Variants in NR3C2 observed in about 807,000 individuals in gnomAD.
The protein encoded by NR3C2 is mineralocorticoid receptor.
NR3C2 carries 15 observed loss-of-function variants against 86.4 expected under a neutral mutation model. The observed-to-expected ratio is 0.17, with a 90% CI of 0.12 to 0.27. The LOEUF (loss-of-function observed/expected upper bound fraction) is 0.27. NR3C2 is among the 10% of genes least tolerant of loss of function. The pLI is 1.00. For synonymous variants in NR3C2, 458 were observed against 450.5 expected, an observed-to-expected ratio of 1.02 and a Z score of -0.21; for missense variants, 960 against 1,195.6, an observed-to-expected ratio of 0.80 and a Z score of 2.91.
rs766022302 is a variant in NR3C2 at position 148,435,926 on chromosome 4, C to A, written c.935G>T (p.Ser312Ile). 6.2e-7 allele frequency: 1 copy of A among 1,614,154 alleles called. No homozygotes were observed. The highest frequency in any genetic ancestry group is 8.5e-7 in the Non-Finnish European group (1 of 1,180,018). ...GGATCTGTTATTAGTGTTCGAAGGG[C>A]TGGAAACAGAGCACCTTGAGTTGTT... ...NINNSRCSVS[S>I]PSNTNNRSTL... The change falls in exon 2 of 9, where the codon AGC (serine) becomes ATC (isoleucine). Residue 312 changes from serine to isoleucine, a missense_variant. Transcript: ENST00000358102.
At chr4:148,273,988 C>A (rs1266671293) in intron 2 of NR3C2, among the ~76,000 whole-genome samples, 1 of 151,704 alleles carries the variant, frequency 6.6e-6, no homozygotes, top group Admixed American at 6.6e-5. Flanking sequence ...TCTGTAGAAG[C>A]CAGCTTCACA....
chr4:148,337,168 CATT>C (rs201185090), intron 2 of NR3C2, among the ~76,000 whole-genome samples: 29 of 152,294 alleles, frequency 1.9e-4, no homozygotes, highest in Middle Eastern at 3.4e-3. Flanking sequence ...TGATAACACA[CATT>C]GTTGTTGTTT....
chr4:148,318,993 G>A (rs1743393437), intron 2 of NR3C2, among the ~76,000 whole-genome samples: 1 of 151,344 alleles, frequency 6.6e-6, no homozygotes, highest in South Asian at 2.1e-4. Flanking sequence ...TTTCTTCTAG[G>A]GTTTTTATGG....
intron 2 of NR3C2, among the ~76,000 whole-genome samples, chr4:148,361,287 A>G (rs1005525532): frequency 6.6e-6 from 1 of 152,250 alleles, no homozygotes; most frequent in African/African-American, 2.4e-5. Flanking sequence ...CCTCAACATC[A>G]GAATTAAAAT....
intron 3 of NR3C2, among the ~76,000 whole-genome samples, chr4:148,225,766 AAATGAAATCAAGGC>A (rs1227045615): frequency 6.6e-6 from 1 of 152,178 alleles, no homozygotes; most frequent in African/African-American, 2.4e-5. Context: ...ATTCCTAAGG[AAATGAAATCAAGGC>A]AAGGTACTTA....
intron 8 of NR3C2, among the ~76,000 whole-genome samples, chr4:148,091,034 T>G (rs531503212): frequency 6.6e-6 from 1 of 152,336 alleles, no homozygotes; most frequent in East Asian, 1.9e-4. Context: ...GCTCAGCCTG[T>G]GTTGTTGGGG....
intron 2 of NR3C2, among the ~76,000 whole-genome samples, chr4:148,297,854 A>C (rs1056758400): frequency 6.6e-6 from 1 of 150,686 alleles, no homozygotes; most frequent in South Asian, 2.1e-4. Context: ...GCGCCATTGC[A>C]CTCCAGCCTG....
At position 148,232,565 on chromosome 4, in the gene NR3C2, G is replaced by A. The variant is rs1455702115; in HGVS notation, c.1897+27413C>T. On this transcript the variant is annotated intron_variant, in intron 3 of 8. Transcript: ENST00000358102. ...AGAGTAGATTTAGCACAATTCGTAA[G>A]GGCCCTAAGATTTTTGGAATCCTGG... Among the ~76,000 whole-genome samples the A allele has an allele frequency of 3.9e-5, 6 of 152,120 alleles. No homozygotes were observed. The East Asian group carries it at 1.2e-3, about 29-fold the overall frequency.
At chr4:148,141,594 A>C (rs573141276) in intron 6 of NR3C2, among the ~76,000 whole-genome samples, 2 of 152,210 alleles carry the variant, frequency 1.3e-5, no homozygotes, top group Non-Finnish European at 2.9e-5. Flanking sequence ...ATATAAAAGA[A>C]GTACTATAGA....
intron 2 of NR3C2, among the ~76,000 whole-genome samples, chr4:148,426,839 C>T (rs555251230): frequency 3.3e-5 from 5 of 152,328 alleles, no homozygotes; most frequent in African/African-American, 4.8e-5. Context: ...AGACCAACAT[C>T]GCCACCTATA....
chr4:148,214,349 G>T (rs774167130), intron 3 of NR3C2, among the ~76,000 whole-genome samples: 14 of 151,870 alleles, frequency 9.2e-5, no homozygotes, highest in Non-Finnish European at 1.9e-4. Flanking sequence ...GTTTTTATTG[G>T]TGTTTTTGAA....
intron 2 of NR3C2, among the ~76,000 whole-genome samples, chr4:148,300,343 T>A (rs2149920998): frequency 6.6e-6 from 1 of 152,300 alleles, no homozygotes; most frequent in Non-Finnish European, 1.5e-5. Context: ...TCTGAGCACC[T>A]GAAAGGTTAC....
intron 4 of NR3C2, among the ~76,000 whole-genome samples, chr4:148,187,852 G>C (rs1327430733): frequency 6.6e-6 from 1 of 152,172 alleles, no homozygotes; most frequent in Non-Finnish European, 1.5e-5. Flanking sequence ...CATAGTTTCA[G>C]GTATTAGGTT....
intron 1 of NR3C2, among the ~76,000 whole-genome samples, chr4:148,439,343 T>C (rs956293914): frequency 6.6e-6 from 1 of 152,214 alleles, no homozygotes. Flanking sequence ...AATATGTCTA[T>C]TTGTATTCAA....
intron 3 of NR3C2, among the ~76,000 whole-genome samples, chr4:148,223,093 T>G (rs1359810153): frequency 6.6e-6 from 1 of 152,034 alleles, no homozygotes; most frequent in Non-Finnish European, 1.5e-5. Context: ...CGACACAAAT[T>G]GAATAGATGA....
In NR3C2 at chr4:148,355,474, T is replaced by G. The variant is rs567238838; in HGVS notation, c.1757+79630A>C. ...TACCCCACTCCCACACTGATTCTTT[T>G]CAGACAGCTGACTGCTTAACTTCAA... On this transcript the variant is annotated intron_variant, in intron 2 of 8. Coordinates refer to ENST00000358102, the MANE Select transcript of NR3C2 (RefSeq NM_000901.5). Among the ~76,000 whole-genome samples, 21 of 152,312 alleles carry G rather than the reference T, an allele frequency of 1.4e-4. 1 individual carries two copies. The South Asian group carries it at 4.4e-3, about 32-fold the overall frequency.
chr4:148,082,888 G>A (rs564103692), intron 8 of NR3C2, among the ~76,000 whole-genome samples: 2 of 151,972 alleles, frequency 1.3e-5, no homozygotes, highest in Non-Finnish European at 2.9e-5. Context: ...GTGGGGGAAG[G>A]GGGGAGGAGC....
rs1484514975 is a variant in NR3C2 at position 148,081,382 on chromosome 4, A to C, written c.2917T>G (p.Ser973Ala). ...AAGTAGAGCGGCTTGGCGTTCCCCG[A>C]CTCCACCTTGGGCAGCTGGTCGCTG... ...IISDQLPKVE[S>A]GNAKPLYFHR... Residue 973 changes from serine to alanine, a missense_variant, in exon 9 of 9, where the codon TCG (serine) becomes GCG (alanine). Coordinates refer to ENST00000358102, the MANE Select transcript of NR3C2 (RefSeq NM_000901.5). 6.2e-7 allele frequency: 1 copy of C among 1,613,900 alleles called. No homozygotes were observed. Among genetic ancestry groups the C allele is most frequent in the African/African-American group, 1.3e-5 (1 of 74,934 alleles).
At chr4:148,126,866 GA>G (rs1432506523) in intron 6 of NR3C2, among the ~76,000 whole-genome samples, 6 of 152,138 alleles carry the variant, frequency 3.9e-5, no homozygotes, top group Non-Finnish European at 8.8e-5. Flanking sequence ...TCATATTCAT[GA>G]TAAGGAATTT....
Sources: allele counts gnomAD v4.1 joint callset (sites outside exome capture counted in the v4.1 genomes callset), GRCh38; gene constraint gnomAD v4.1.1; transcripts MANE v1.5; gene names NCBI Gene and HGNC (gene_info 2026-07-23, HGNC 2026-07-21).